COL21A1: variants seen among roughly 807,000 people sequenced by gnomAD.
COL21A1 encodes the protein collagen alpha-1(XXI) chain.
In COL21A1, 149 loss-of-function variants were observed where a neutral mutation model predicts 137.9. That is an observed-to-expected ratio of 1.08 (90% CI 0.95 to 1.24). COL21A1 has a LOEUF of 1.24. COL21A1 is among the 50% of genes most tolerant of loss of function. COL21A1 has a pLI of 0.00. For missense variants in COL21A1, 1,167 were observed against 1,158.4 expected (o/e 1.01, Z -0.11); for synonymous variants, 456 against 391.5 (o/e 1.16, Z -1.95).
chr6:56,078,616 C>T (rs1767448993), intron 17 of COL21A1, among the ~76,000 whole-genome samples: 1 of 151,646 alleles, frequency 6.6e-6, no homozygotes, highest in Non-Finnish European at 1.5e-5. Context: ...TCTTTATTTT[C>T]ACACCCTGAG....
At chr6:56,207,355 T>A (rs1487216846) in intron 1 of COL21A1, among the ~76,000 whole-genome samples, 1 of 152,106 alleles carries the variant, frequency 6.6e-6, no homozygotes, top group Non-Finnish European at 1.5e-5. Flanking sequence ...ATAGGGGATA[T>A]CACCACTGAT....
At chr6:56,166,567 T>C (rs544608183) in intron 7 of COL21A1, among the ~76,000 whole-genome samples, 2 of 152,164 alleles carry the variant, frequency 1.3e-5, no homozygotes, top group African/African-American at 4.8e-5. Flanking sequence ...CAGGAGAATT[T>C]CTTGAACCCA....
At chr6:56,286,592 A>G in intron 1 of COL21A1, among the ~76,000 whole-genome samples, 1 of 152,214 alleles carries the variant, frequency 6.6e-6, no homozygotes, top group East Asian at 1.9e-4. Context: ...GCACGTAGTA[A>G]GTACTGAACA....
chr6:56,367,410 C>T (rs1766126739), intron 1 of COL21A1, among the ~76,000 whole-genome samples: 1 of 152,146 alleles, frequency 6.6e-6, no homozygotes, highest in Non-Finnish European at 1.5e-5. Flanking sequence ...TGGCCAATGA[C>T]CTGTGAAGGA....
chr6:56,102,153 C>A (rs1259263473), intron 16 of COL21A1, among the ~76,000 whole-genome samples: 1 of 152,000 alleles, frequency 6.6e-6, no homozygotes, highest in Non-Finnish European at 1.5e-5. Flanking sequence ...AATTTTTTTC[C>A]TAAATGAATC....
intron 1 of COL21A1, among the ~76,000 whole-genome samples, chr6:56,346,126 T>C (rs1052242622): frequency 6.6e-6 from 1 of 152,224 alleles, no homozygotes; most frequent in Admixed American, 6.5e-5. Context: ...TCAATGACAT[T>C]TCACATATGT....
intron 22 of COL21A1, 48 bp from the exon 23 acceptor site, chr6:56,067,378 C>A (rs1484561870): frequency 6.6e-7 from 1 of 1,516,288 alleles, no homozygotes; most frequent in African/African-American, 1.4e-5. Flanking sequence ...ATATTCTGTA[C>A]AGTTTCAAAT....
chr6:56,078,620 C>A (rs12210402), intron 17 of COL21A1, among the ~76,000 whole-genome samples: 22,969 of 151,546 alleles, frequency 0.15, 1,745 homozygotes, highest in Middle Eastern at 0.22. Context: ...TATTTTCACA[C>A]CCTGAGTTTA....
chr6:56,320,908 C>T (rs1562054178), intron 1 of COL21A1, among the ~76,000 whole-genome samples: 1 of 152,018 alleles, frequency 6.6e-6, no homozygotes, highest in Non-Finnish European at 1.5e-5. Context: ...AATATAAACT[C>T]CATAAGAGTG....
chr6:56,145,989 T>C lies in COL21A1; in HGVS notation c.1435-4006A>G, dbSNP rs1429012751. 3.9e-5 allele frequency among the ~76,000 whole-genome samples: 6 copies of C among 152,072 alleles called. No homozygotes were observed. In the East Asian group the frequency reaches 1.2e-3, roughly 29 times the overall value. The stretch of plus-strand genomic sequence containing the variant: ...TCAGGAAATATGTATAGCATTGAAA[T>C]GGAAATTAAGGAAATAAAATCCCCA... On this transcript the variant is annotated intron_variant, in intron 10 of 29. Transcript: ENST00000244728.
chr6:56,226,854 A>C (rs1404198491), intron 1 of COL21A1, among the ~76,000 whole-genome samples: 1 of 120,550 alleles, frequency 8.3e-6, no homozygotes, highest in African/African-American at 3.1e-5. Flanking sequence ...CAAACTTTGA[A>C]AACAGGTCAC....
intron 1 of COL21A1, among the ~76,000 whole-genome samples, chr6:56,199,143 G>T (rs1210559717): frequency 6.6e-6 from 1 of 152,042 alleles, no homozygotes; most frequent in African/African-American, 2.4e-5. Context: ...AAGCCTGCTT[G>T]TGATGGTAAC....
At chr6:56,316,431 A>G (rs569957138) in intron 1 of COL21A1, among the ~76,000 whole-genome samples, 1 of 151,342 alleles carries the variant, frequency 6.6e-6, no homozygotes, top group South Asian at 2.1e-4. Flanking sequence ...CATGCCTACT[A>G]AGAAAAACTA....
At chr6:56,140,213 G>T (rs1301718120) in intron 12 of COL21A1, among the ~76,000 whole-genome samples, 2 of 152,042 alleles carry the variant, frequency 1.3e-5, no homozygotes, top group African/African-American at 4.8e-5. Flanking sequence ...GTATTTTTTA[G>T]ATTTCAAAGA....
intron 12 of COL21A1, among the ~76,000 whole-genome samples, chr6:56,134,324 T>C (rs1305944673): frequency 3.3e-5 from 5 of 152,142 alleles, no homozygotes; most frequent in Non-Finnish European, 5.9e-5. Flanking sequence ...CATAGGGCCT[T>C]TACCCCCTTC....
chr6:56,364,702 G>C lies in COL21A1; in HGVS notation c.-39+29269C>G, dbSNP rs372517390. 1.5e-4 allele frequency among the ~76,000 whole-genome samples: 23 copies of C among 150,522 alleles called. 2 individuals are homozygous for C. In the South Asian group the frequency reaches 4.4e-3, roughly 29 times the overall value. ...CTTCTCCCTCAGTAAAGACTACAAA[G>C]AGCAGCTATGATTTTTTTCTACCCA... On this transcript the variant is annotated intron_variant, in intron 1 of 28. Coordinates refer to the COL21A1 transcript ENST00000370819.
At chr6:56,066,511 C>T (rs1766263345) in intron 23 of COL21A1, among the ~76,000 whole-genome samples, 1 of 151,856 alleles carries the variant, frequency 6.6e-6, no homozygotes, top group African/African-American at 2.4e-5. Flanking sequence ...GACTTACAAA[C>T]TTAAAAACAT....
At chr6:56,333,941 G>T (rs1439567281) in intron 1 of COL21A1, among the ~76,000 whole-genome samples, 2 of 151,510 alleles carry the variant, frequency 1.3e-5, no homozygotes, top group African/African-American at 4.9e-5. Flanking sequence ...TAAATATTTT[G>T]CCCATTTCTG....
intron 1 of COL21A1, among the ~76,000 whole-genome samples, chr6:56,351,936 A>C (rs960434707): frequency 4.6e-5 from 7 of 152,142 alleles, no homozygotes; most frequent in African/African-American, 1.4e-4. Flanking sequence ...ACAAAATTTA[A>C]AAGATAGGGG....
Sources: gnomAD v4.1 joint callset for allele counts (sites outside exome capture counted in the v4.1 genomes callset) on GRCh38, gnomAD v4.1.1 for gene constraint, MANE v1.5 for transcripts, NCBI Gene and HGNC (gene_info 2026-07-23, HGNC 2026-07-21) for gene names.